SPATA31C1: variants seen among roughly 807,000 people sequenced by gnomAD.
The protein encoded by SPATA31C1 is spermatogenesis-associated protein 31C1.
intron 3 of SPATA31C1, 138 bp downstream of exon 2, chr9:87,919,486 TTC>T: frequency 7.5e-7 from 1 of 1,332,026 alleles, no homozygotes; most frequent in Non-Finnish European, 1.0e-6. Flanking sequence ...CCTTCTCAGA[TTC>T]TGTGCCGCCG....
chr9:87,922,919 A>G (rs753451889), exon 5 of SPATA31C1: 6 of 1,603,828 alleles, frequency 3.7e-6, no homozygotes, highest in Non-Finnish European at 5.1e-6. Flanking sequence ...AGCTACTGCC[A>G]TCAAAGAAAC....
chr9:87,922,330 C>G (rs753112162), exon 5 of SPATA31C1: 2 of 1,611,310 alleles, frequency 1.2e-6, no homozygotes, highest in Non-Finnish European at 1.7e-6. Flanking sequence ...GAGGCAGTGC[C>G]ACAACCCACA....
At position 87,920,655 on chromosome 9, in the gene SPATA31C1, T is replaced by A. The variant is rs564452741; in HGVS notation, n.1045T>A. The A allele has an allele frequency of 1.3e-4, 216 of 1,613,886 alleles. 2 individuals are homozygous for A. In the South Asian group the frequency reaches 2.2e-3, roughly 16 times the overall value. Reference sequence around the variant, plus strand: ...GCGGGACTCCACTCTGTTAACACCATCTCACTGTGACTCAGTGGCACTTCC... The same window carrying A: ...GCGGGACTCCACTCTGTTAACACCAACTCACTGTGACTCAGTGGCACTTCC... On this transcript the variant is annotated non_coding_transcript_exon_variant, in exon 5 of 5. Transcript: ENST00000420021.
chr9:87,923,217 C>T (rs1448211227), exon 5 of SPATA31C1: 3 of 1,603,222 alleles, frequency 1.9e-6, no homozygotes, highest in East Asian at 2.2e-5. Flanking sequence ...CAACCACAGA[C>T]ACCCGTTCTA....
chr9:87,919,156 AAGAC>A lies in SPATA31C1; in HGVS notation n.523-127_523-124del, dbSNP rs775079782. 101 of 1,550,738 alleles carry A rather than the reference AAGAC, an allele frequency of 6.5e-5. No homozygotes were observed. The Middle Eastern group carries it at 1.5e-3, about 24-fold the overall frequency. Reference sequence around the variant, plus strand: ...AGAAAGCACACAGAGCTCCCTGAGCAAGACAGACAGAGCCATGCGGTTCATGAGT... The same window carrying A: ...AGAAAGCACACAGAGCTCCCTGAGCAAGACAGAGCCATGCGGTTCATGAGT... On this transcript the variant is annotated intron_variant and non_coding_transcript_variant, in intron 2 of 4. Transcript: ENST00000420021.
At chr9:87,921,729 G>C in exon 5 of SPATA31C1, 1 of 1,612,068 alleles carries the variant, frequency 6.2e-7, no homozygotes, top group Non-Finnish European at 8.5e-7. Flanking sequence ...ATCCTGGCTT[G>C]CTGTCAACCA....
intron 2 of SPATA31C1, 61 bp from the exon 2 acceptor site, chr9:87,919,194 C>G: frequency 1.3e-6 from 2 of 1,594,440 alleles, no homozygotes; most frequent in Non-Finnish European, 1.7e-6. Context: ...GTGCAGCGTG[C>G]TGCGGCTGGG....
At chr9:87,922,921 C>T (rs1359167315) in exon 5 of SPATA31C1, 2 of 1,603,390 alleles carry the variant, frequency 1.2e-6, no homozygotes, top group Admixed American at 1.7e-5. Flanking sequence ...CTACTGCCAT[C>T]AAAGAAACAG....
chr9:87,916,738 C>A (rs1828730732), intron 1 of SPATA31C1, among the ~76,000 whole-genome samples: 1 of 105,408 alleles, frequency 9.5e-6, no homozygotes, highest in Non-Finnish European at 2.5e-5. Flanking sequence ...TGGCTCACGC[C>A]TGTAATCCCA....
At chr9:87,920,643 C>T in exon 5 of SPATA31C1, 1 of 1,613,918 alleles carries the variant, frequency 6.2e-7, no homozygotes, top group Non-Finnish European at 8.5e-7. Context: ...GGACTCCACT[C>T]TGTTAACACC....
chr9:87,920,926 A>C, exon 5 of SPATA31C1: 5 of 1,613,200 alleles, frequency 3.1e-6, no homozygotes, highest in Non-Finnish European at 4.2e-6. Flanking sequence ...CCTGAGTCCC[A>C]ACCCTTTATT....
chr9:87,921,189 G>A lies in SPATA31C1; in HGVS notation n.1579G>A, dbSNP rs549326702. On this transcript the variant is annotated non_coding_transcript_exon_variant, in exon 5 of 5. Transcript: ENST00000420021. ...CTCTAGGGTCCAAAAATCTCAGGAC[G>A]TCTTTAGTGTCTCCACTCCTAACCT... 98 of 1,611,916 alleles carry A rather than the reference G, an allele frequency of 6.1e-5. 1 individual carries two copies. In the South Asian group the frequency reaches 6.9e-4, roughly 11 times the overall value.
In SPATA31C1 at chr9:87,919,577, G is replaced by C. The variant is rs1017427824; in HGVS notation, n.580+229G>C. Among the ~76,000 whole-genome samples, 7 of 86,350 alleles carry C rather than the reference G, an allele frequency of 8.1e-5. 1 individual carries two copies. The highest frequency in any genetic ancestry group is 3.2e-4 in the African/African-American group (7 of 21,878). 56.6% of individuals were successfully genotyped at this position (86,350 alleles called of 152,430 possible). ...GTGTGTCCTGGGGAGACCAATGCCT[G>C]CCTGGATGCGGAGGGGGGTGAGGGG... On this transcript the variant is annotated intron_variant and non_coding_transcript_variant, in intron 3 of 4. Coordinates refer to ENST00000420021, the Ensembl canonical transcript of SPATA31C1.
intron 1 of SPATA31C1, among the ~76,000 whole-genome samples, chr9:87,916,282 T>A (rs1402484694): frequency 1.4e-5 from 2 of 143,184 alleles, no homozygotes; most frequent in African/African-American, 5.1e-5. Flanking sequence ...CATATCTCAA[T>A]GTAAAAATAT....
chr9:87,921,604 G>T, exon 5 of SPATA31C1: 1 of 1,612,044 alleles, frequency 6.2e-7, no homozygotes, highest in Non-Finnish European at 8.5e-7. Flanking sequence ...AGTGACTCAG[G>T]AAGTGATTTA....
chr9:87,919,433 A>G lies in SPATA31C1; in HGVS notation n.580+85A>G, dbSNP rs1045743114. 1.0e-5 allele frequency: 16 copies of G among 1,557,876 alleles called. No individual in the cohort carries two copies. The Admixed American group carries it at 2.8e-4, about 27-fold the overall frequency. Reference sequence around the variant, plus strand: ...GACTCTGAAGAAGTCAGTTGAAAAAACCTGAGGTGGGGGCTCCTAGGAAGG... The same window carrying G: ...GACTCTGAAGAAGTCAGTTGAAAAAGCCTGAGGTGGGGGCTCCTAGGAAGG... On this transcript the variant is annotated intron_variant and non_coding_transcript_variant, in intron 3 of 4. Transcript: ENST00000420021.
chr9:87,923,134 G>C, exon 5 of SPATA31C1: 1 of 1,603,352 alleles, frequency 6.2e-7, no homozygotes, highest in Non-Finnish European at 8.5e-7. Flanking sequence ...ATGTCACTTT[G>C]CCATGCGCGC....
At chr9:87,915,539 G>A (rs564155339) in intron 1 of SPATA31C1, among the ~76,000 whole-genome samples, 1 of 145,432 alleles carries the variant, frequency 6.9e-6, no homozygotes, top group Non-Finnish European at 1.5e-5. Context: ...GACTTTAGGT[G>A]ATCCACCTGC....
At chr9:87,920,723 G>T (rs765030527) in exon 5 of SPATA31C1, 1 of 1,613,986 alleles carries the variant, frequency 6.2e-7, no homozygotes, top group East Asian at 2.2e-5. Context: ...GTGAGGATTT[G>T]GCGGCTTCTG....
Sources: allele counts gnomAD v4.1 joint callset (sites outside exome capture counted in the v4.1 genomes callset), GRCh38; gene constraint gnomAD v4.1.1; transcripts MANE v1.5; gene names NCBI Gene and HGNC (gene_info 2026-07-23, HGNC 2026-07-21).